Variants in UNC13C observed in about 807,000 individuals in gnomAD.
UNC13C encodes the protein protein unc-13 homolog C.
Under a neutral mutation model 245.4 loss-of-function variants are expected in UNC13C, and 174 were observed. The observed-to-expected ratio is 0.71, with a 90% CI of 0.63 to 0.80. The LOEUF is 0.80. Ranked by LOEUF, UNC13C falls within the 30% of genes least tolerant of loss-of-function variation. The pLI is 0.00. For missense variants in UNC13C, 2,829 were observed against 2,602.9 expected (o/e 1.09, Z -1.89); for synonymous variants, 992 against 895.1 (o/e 1.11, Z -1.93).
the UNC13C span, among the ~76,000 whole-genome samples, chr15:53,934,334 T>C: frequency 6.6e-6 from 1 of 152,232 alleles, no homozygotes; most frequent in Non-Finnish European, 1.5e-5. Flanking sequence ...CATTTCCTTG[T>C]ACCTATAATT....
chr15:54,049,846 G>A, intron 2 of UNC13C: 1 of 238,448 alleles, frequency 4.2e-6, no homozygotes, highest in South Asian at 6.4e-5. Context: ...TACAGTGGGT[G>A]GCTGTAACTA....
chr15:54,215,664 A>C (rs16974311), intron 4 of UNC13C, among the ~76,000 whole-genome samples: 2,004 of 152,030 alleles, frequency 0.013, 53 homozygotes, highest in African/African-American at 0.046. Context: ...TGGCAGTTTG[A>C]ATTGGGACTT....
At chr15:54,596,503 C>T (rs967843783) in intron 30 of UNC13C, among the ~76,000 whole-genome samples, 2 of 152,150 alleles carry the variant, frequency 1.3e-5, no homozygotes, top group South Asian at 2.1e-4. Context: ...TGCACACACA[C>T]GTACAACAAT....
At chr15:54,394,282 A>G (rs969664728) in intron 18 of UNC13C, among the ~76,000 whole-genome samples, 1 of 151,814 alleles carries the variant, frequency 6.6e-6, no homozygotes, top group Non-Finnish European at 1.5e-5. Flanking sequence ...TATTTTTGGT[A>G]TACAATCATG....
At chr15:54,469,723 T>A (rs1300688182) in intron 19 of UNC13C, among the ~76,000 whole-genome samples, 2 of 151,536 alleles carry the variant, frequency 1.3e-5, no homozygotes, top group African/African-American at 4.8e-5. Flanking sequence ...TTTTTGTGAG[T>A]ATTTTCAATC....
intron 2 of UNC13C, among the ~76,000 whole-genome samples, chr15:54,056,040 A>C (rs1897502853): frequency 6.6e-6 from 1 of 152,158 alleles, no homozygotes; most frequent in Non-Finnish European, 1.5e-5. Context: ...ACAAGCAAAA[A>C]AATGTCAAGA....
intron 23 of UNC13C, among the ~76,000 whole-genome samples, chr15:54,509,151 A>G (rs1039059389): frequency 2.0e-5 from 3 of 152,176 alleles, no homozygotes; most frequent in African/African-American, 4.8e-5. Flanking sequence ...GTGAGCCAAG[A>G]TTGTGCCATT....
At chr15:54,623,312 A>G (rs946725062) in intron 31 of UNC13C, among the ~76,000 whole-genome samples, 1 of 152,162 alleles carries the variant, frequency 6.6e-6, no homozygotes, top group Admixed American at 6.6e-5. Context: ...AAAATATATA[A>G]TGAATTAGAA....
rs78152864 is a variant in UNC13C, at chr15:54,247,765, GT to G, written c.3229-2448del. ...ATGGGCTGTCTAGTAAATGTTTCAT[GT>G]TTTTTTTTTTTATTTTTGGAAATTA... On this transcript the variant is annotated intron_variant, in intron 7 of 32. Transcript: ENST00000260323. Among the ~76,000 whole-genome samples, 990 of 143,944 alleles carry G rather than the reference GT, an allele frequency of 6.9e-3. 21 individuals carry two copies. In the East Asian group the frequency reaches 0.075, roughly 11 times the overall value. The allele number at this position is 143,944 out of a possible 152,430, so 94.4% of individuals were successfully genotyped here.
At chr15:54,474,164 C>CT (rs1173649238) in intron 19 of UNC13C, among the ~76,000 whole-genome samples, 1 of 151,716 alleles carries the variant, frequency 6.6e-6, no homozygotes, top group Non-Finnish European at 1.5e-5. Flanking sequence ...TGTTGATTTG[C>CT]TTTTTTTGGG....
intron 19 of UNC13C, among the ~76,000 whole-genome samples, chr15:54,454,849 A>G (rs184871835): frequency 6.6e-6 from 1 of 151,900 alleles, no homozygotes; most frequent in African/African-American, 2.4e-5. Context: ...TTTCAGGGGA[A>G]CAAGTGGTGT....
intron 2 of UNC13C, among the ~76,000 whole-genome samples, chr15:54,040,871 A>G (rs998855637): frequency 1.3e-5 from 2 of 152,158 alleles, no homozygotes; most frequent in African/African-American, 4.8e-5. Flanking sequence ...ACCTCCTCCC[A>G]GTCTTTACTC....
At chr15:54,012,560 G>A (rs1053797903) in intron 1 of UNC13C, among the ~76,000 whole-genome samples, 88 bp from the exon 2 acceptor site, 3 of 152,118 alleles carry the variant, frequency 2.0e-5, no homozygotes, top group Non-Finnish European at 4.4e-5. Flanking sequence ...CACACATTGT[G>A]TATTATGAAT....
chr15:54,125,564 A>G (rs759063749), intron 2 of UNC13C, among the ~76,000 whole-genome samples: 3 of 152,168 alleles, frequency 2.0e-5, no homozygotes, highest in Non-Finnish European at 2.9e-5. Flanking sequence ...AACTTTTCCA[A>G]TTCACAAACG....
intron 4 of UNC13C, among the ~76,000 whole-genome samples, chr15:54,161,720 G>T (rs12438894): frequency 0.36 from 54,293 of 151,836 alleles, 11,107 homozygotes; most frequent in Non-Finnish European, 0.47. Context: ...GGAGGCCAGG[G>T]TGGGCATATT....
At chr15:54,065,171 T>C (rs1898019201) in intron 2 of UNC13C, among the ~76,000 whole-genome samples, 1 of 152,136 alleles carries the variant, frequency 6.6e-6, no homozygotes, top group Non-Finnish European at 1.5e-5. Context: ...ATCAGAGAGA[T>C]AAACACCAGG....
intron 4 of UNC13C, among the ~76,000 whole-genome samples, chr15:54,169,950 C>A (rs1306844629): frequency 6.6e-6 from 1 of 151,126 alleles, no homozygotes; most frequent in Non-Finnish European, 1.5e-5. Context: ...TCCTCTCCCA[C>A]AAGGTTGTAA....
intron 13 of UNC13C, among the ~76,000 whole-genome samples, chr15:54,301,169 A>G (rs2037570085): frequency 6.6e-6 from 1 of 152,102 alleles, no homozygotes; most frequent in Non-Finnish European, 1.5e-5. Context: ...CTTTTTTCAT[A>G]TTAACAACAA....
At chr15:54,327,357 A>G (rs967343802) in intron 14 of UNC13C, among the ~76,000 whole-genome samples, 1 of 151,934 alleles carries the variant, frequency 6.6e-6, no homozygotes, top group African/African-American at 2.4e-5. Context: ...TGATCACGTC[A>G]TATGACAAAA....
Sources: gnomAD v4.1 joint callset for allele counts (sites outside exome capture counted in the v4.1 genomes callset) on GRCh38, gnomAD v4.1.1 for gene constraint, MANE v1.5 for transcripts, NCBI Gene and HGNC (gene_info 2026-07-23, HGNC 2026-07-21) for gene names.